Variants in FBN2 observed in about 807,000 individuals in gnomAD.
FBN2 encodes the protein fibrillin 2.
FBN2 carries 105 observed loss-of-function variants against 355.6 expected under a neutral mutation model. The ratio of observed to expected loss-of-function variants is 0.30; its 90% CI spans 0.25 to 0.35. FBN2 has a LOEUF of 0.35. Ranked by LOEUF, FBN2 falls within the 10% of genes least tolerant of loss-of-function variation. FBN2 has a pLI of 1.00. For synonymous variants in FBN2, 1,350 were observed against 1,301.2 expected (o/e 1.04, Z -0.81); for missense variants, 3,280 against 3,758.7 (o/e 0.87, Z 3.33).
At chr5:128,342,564 G>C (rs1259814551) in intron 25 of FBN2, among the ~76,000 whole-genome samples, 1 of 152,104 alleles carries the variant, frequency 6.6e-6, no homozygotes, top group East Asian at 1.9e-4. Flanking sequence ...TGAGGAACAG[G>C]AAGCAGGGAA....
rs1187467512 is a variant in FBN2, at chr5:128,286,708, T to C, written c.7012+10A>G. 2 of 1,613,812 alleles carry C rather than the reference T, an allele frequency of 1.2e-6. No homozygotes were observed. The highest frequency in any genetic ancestry group is 1.7e-6 in the Non-Finnish European group (2 of 1,179,846). On this transcript the variant is annotated intron_variant, in intron 55 of 64. Transcript: ENST00000262464. ...CATTACATAAGCAGACACCTTCCCT[T>C]ACCGCTTACCTACACAGCCTTCTCC... is the stretch of plus-strand genomic sequence containing the variant.
intron 6 of FBN2, among the ~76,000 whole-genome samples, chr5:128,454,766 C>A (rs977773892): frequency 6.6e-5 from 10 of 152,116 alleles, no homozygotes; most frequent in Non-Finnish European, 8.8e-5. Flanking sequence ...ATTGCTATTT[C>A]TTTATTCATG....
intron 25 of FBN2, among the ~76,000 whole-genome samples, chr5:128,340,525 T>C (rs1750985013): frequency 1.3e-5 from 2 of 152,180 alleles, no homozygotes; most frequent in South Asian, 4.2e-4. Context: ...AGGACTGGTG[T>C]TAAGAGTCAT....
intron 7 of FBN2, among the ~76,000 whole-genome samples, chr5:128,444,570 G>A (rs565855207): frequency 3.3e-5 from 5 of 152,200 alleles, no homozygotes; most frequent in Admixed American, 3.3e-4. Flanking sequence ...AATTATTTCT[G>A]GGCAATGGTT....
intron 5 of FBN2, among the ~76,000 whole-genome samples, chr5:128,474,623 A>G (rs1754960494): frequency 6.6e-6 from 1 of 152,214 alleles, no homozygotes; most frequent in South Asian, 2.1e-4. Flanking sequence ...CATGGATTCC[A>G]TGTAGTATTT....
chr5:128,278,480 A>G (rs988936556), intron 57 of FBN2, among the ~76,000 whole-genome samples, 155 bp downstream of exon 57: 1 of 152,248 alleles, frequency 6.6e-6, no homozygotes, highest in Non-Finnish European at 1.5e-5. Context: ...TTCTATATAC[A>G]TATATATGAA....
At chr5:128,288,135 A>G (rs1030259216) in intron 53 of FBN2, among the ~76,000 whole-genome samples, 1 of 152,184 alleles carries the variant, frequency 6.6e-6, no homozygotes, top group Non-Finnish European at 1.5e-5. Context: ...TAAATCCAAC[A>G]TTAACCAATA....
chr5:128,362,759 C>T lies in FBN2; in HGVS notation c.2429-911G>A, dbSNP rs554854581. The stretch of plus-strand genomic sequence containing the variant: ...GGATTATAGGCATAAGCTACCGCAC[C>T]TGGCCTCACATTTTAATCTTCATAT... On this transcript the variant is annotated intron_variant, in intron 18 of 64. Transcript: ENST00000262464. 4.6e-5 allele frequency among the ~76,000 whole-genome samples: 7 copies of T among 152,312 alleles called. No individual in the cohort carries two copies. In the East Asian group the frequency reaches 1.4e-3, roughly 29 times the overall value.
chr5:128,468,488 C>G (rs897856805), intron 5 of FBN2, among the ~76,000 whole-genome samples: 1 of 152,144 alleles, frequency 6.6e-6, no homozygotes, highest in African/African-American at 2.4e-5. Flanking sequence ...ATTTAACTTT[C>G]TAAGAAACTG....
chr5:128,438,572 T>C (rs1041649321), intron 7 of FBN2, among the ~76,000 whole-genome samples: 12 of 152,188 alleles, frequency 7.9e-5, no homozygotes, highest in Non-Finnish European at 1.8e-4. Flanking sequence ...CAGTAAGCTT[T>C]AGATGTGCAT....
intron 28 of FBN2, among the ~76,000 whole-genome samples, 194 bp from the exon 29 acceptor site, chr5:128,335,771 T>C (rs1257702363): frequency 6.6e-6 from 1 of 152,254 alleles, no homozygotes; most frequent in African/African-American, 2.4e-5. Flanking sequence ...ACCCTAAGAT[T>C]AACTCAGAAA....
At chr5:128,441,839 T>G (rs1179660242) in intron 7 of FBN2, among the ~76,000 whole-genome samples, 1 of 152,196 alleles carries the variant, frequency 6.6e-6, no homozygotes, top group Non-Finnish European at 1.5e-5. Flanking sequence ...TCATGGTTTT[T>G]AAATTTATGA....
chr5:128,349,231 CA>C, intron 23 of FBN2, 115 bp downstream of exon 23: 1 of 1,204,548 alleles, frequency 8.3e-7, no homozygotes, highest in Non-Finnish European at 1.2e-6. Flanking sequence ...CTAAATATCT[CA>C]TTTAAAGCAA....
At chr5:128,343,309 G>C (rs1426717646) in intron 25 of FBN2, among the ~76,000 whole-genome samples, 2 of 152,220 alleles carry the variant, frequency 1.3e-5, no homozygotes, top group Non-Finnish European at 2.9e-5. Context: ...AACAGCCAGA[G>C]TGGAGAAAAC....
Position 128,288,358 on chromosome 5 carries a change from G to A in FBN2, c.6757+80C>T. The A allele has an allele frequency of 3.4e-6, 5 of 1,479,046 alleles. No individual in the cohort carries two copies. In the East Asian group the frequency reaches 9.2e-5, roughly 27 times the overall value. The allele number at this position is 1,479,046 out of a possible 1,614,324, so 91.6% of individuals were successfully genotyped here. ...TATGCTCACCAGCAGAATATCAGAA[G>A]CAATATAAATAAATATTGAGACATT... On this transcript the variant is annotated intron_variant, in intron 53 of 64. Transcript: ENST00000262464.
chr5:128,408,765 A>G lies in FBN2; in HGVS notation c.987T>C (p.Cys329=), dbSNP rs560766461. The G allele has an allele frequency of 2.5e-6, 4 of 1,614,030 alleles. No homozygotes were observed. The African/African-American group carries it at 4.0e-5, about 16-fold the overall frequency. The change falls in exon 8 of 65, where the codon TGT becomes TGC. Residue 329 remains cysteine, a synonymous_variant. Transcript: ENST00000262464. ...CGGTGTTGGAACATTCACCAGTTTC[A>G]CATATCCCAGGAATGATGCTGCACT... ...IDECSIIPGI[C]ETGECSNTVG...
intron 11 of FBN2, among the ~76,000 whole-genome samples, chr5:128,381,956 C>A (rs937375047): frequency 2.0e-5 from 3 of 151,996 alleles, no homozygotes; most frequent in Admixed American, 2.0e-4. Context: ...ATTTGGCCCA[C>A]ATTTTCTTTT....
At chr5:128,492,117 CT>C (rs1755522240) in intron 5 of FBN2, among the ~76,000 whole-genome samples, 1 of 152,050 alleles carries the variant, frequency 6.6e-6, no homozygotes, top group Non-Finnish European at 1.5e-5. Context: ...TCTGAGGGTG[CT>C]TGTGTGTCTT....
chr5:128,432,246 A>T (rs1227230275), intron 7 of FBN2, among the ~76,000 whole-genome samples: 1 of 152,048 alleles, frequency 6.6e-6, no homozygotes, highest in Admixed American at 6.6e-5. Context: ...TTTTTCTTAA[A>T]TTTTTTTCTT....
Sources: allele counts gnomAD v4.1 joint callset (sites outside exome capture counted in the v4.1 genomes callset), GRCh38; gene constraint gnomAD v4.1.1; transcripts MANE v1.5; gene names NCBI Gene and HGNC (gene_info 2026-07-23, HGNC 2026-07-21).